COLGALT2: variants seen among roughly 807,000 people sequenced by gnomAD.
COLGALT2 encodes the protein collagen beta(1-O)galactosyltransferase 2.
A neutral mutation model predicts 73.4 loss-of-function variants in COLGALT2; 49 were observed. The ratio of observed to expected loss-of-function variants is 0.67; its 90% CI spans 0.53 to 0.85. The LOEUF (loss-of-function observed/expected upper bound fraction) is 0.85. COLGALT2 is among the 40% of genes least tolerant of loss of function. COLGALT2 has a pLI of 0.00. For missense variants in COLGALT2, 722 were observed against 790.2 expected (o/e 0.91, Z 1.03); for synonymous variants, 295 against 307.6 (o/e 0.96, Z 0.43).
intron 1 of COLGALT2, among the ~76,000 whole-genome samples, chr1:184,033,216 C>T (rs2102863985): frequency 6.6e-6 from 1 of 152,322 alleles, no homozygotes; most frequent in Non-Finnish European, 1.5e-5. Flanking sequence ...TCGGTTTTCA[C>T]TGTCATGGTA....
At chr1:184,032,009 A>ACCT (rs56271336) in intron 1 of COLGALT2, among the ~76,000 whole-genome samples, 36,573 of 151,802 alleles carry the variant, frequency 0.24, 4,559 homozygotes, top group East Asian at 0.47. Context: ...CAATCCACCC[A>ACCT]CAGTCTCCCA....
At chr1:183,980,966 C>T (rs963713300) in intron 1 of COLGALT2, among the ~76,000 whole-genome samples, 8 of 152,130 alleles carry the variant, frequency 5.3e-5, no homozygotes, top group African/African-American at 1.9e-4. Flanking sequence ...TGTAAAAGGT[C>T]TTTAACAAAA....
rs753485233 is a variant in COLGALT2, at chr1:184,037,193, C to T, written c.165G>A (p.Val55=). 7 of 1,604,888 alleles carry T rather than the reference C, an allele frequency of 4.4e-6. No homozygotes were observed. Among genetic ancestry groups the T allele is most frequent in the Non-Finnish European group, 5.1e-6 (6 of 1,177,208 alleles). Residue 55 remains valine (V), a synonymous_variant, in exon 1 of 12, where the codon GTG becomes GTA. Coordinates refer to ENST00000361927, the MANE Select transcript of COLGALT2 (RefSeq NM_015101.4). ...CGTTGCGGGCGAGGACCGCCACGAG[C>T]ACCGTGGGGCTCTGCAGGGGCGACT... is the stretch of plus-strand genomic sequence containing the variant. The part of the protein sequence containing the change: ...FPESPLQSPT[V]LVAVLARNAA...
intron 1 of COLGALT2, among the ~76,000 whole-genome samples, chr1:184,009,429 T>C (rs910881664): frequency 6.6e-6 from 1 of 152,228 alleles, no homozygotes; most frequent in Non-Finnish European, 1.5e-5. Context: ...TTTCTCAGTA[T>C]GTATTATATT....
At chr1:184,021,260 TC>T (rs1172487809) in intron 1 of COLGALT2, among the ~76,000 whole-genome samples, 2 of 152,214 alleles carry the variant, frequency 1.3e-5, no homozygotes, top group Non-Finnish European at 2.9e-5. Context: ...TTTCTACTTT[TC>T]TAAGACATTT....
At chr1:183,979,976 A>G (rs1306200726) in intron 1 of COLGALT2, among the ~76,000 whole-genome samples, 2 of 152,040 alleles carry the variant, frequency 1.3e-5, no homozygotes, top group Non-Finnish European at 2.9e-5. Context: ...AATCCCCCAA[A>G]TCCACTAAAA....
rs534923728 is a variant in COLGALT2 at position 183,997,557 on chromosome 1, T to G, written c.264-19037A>C. Reference sequence around the variant, plus strand: ...ACATAAAATACATTAACACTAACGATAGCTGATGAGCTATAAAAAAATTGC... The same window carrying G: ...ACATAAAATACATTAACACTAACGAGAGCTGATGAGCTATAAAAAAATTGC... On this transcript the variant is annotated intron_variant, in intron 1 of 11. Transcript: ENST00000361927. 3.9e-5 allele frequency among the ~76,000 whole-genome samples: 6 copies of G among 152,304 alleles called. No homozygotes were observed. In the South Asian group the frequency reaches 1.0e-3, roughly 26 times the overall value.
intron 1 of COLGALT2, among the ~76,000 whole-genome samples, chr1:184,013,420 G>T (rs1390831837): frequency 6.6e-6 from 1 of 152,112 alleles, no homozygotes; most frequent in African/African-American, 2.4e-5. Flanking sequence ...AAGAAGGTGT[G>T]GTCTGTTACA....
downstream of COLGALT2, among the ~76,000 whole-genome samples, chr1:183,931,085 C>T (rs771857137): frequency 1.2e-4 from 19 of 152,170 alleles, no homozygotes; most frequent in Non-Finnish European, 1.9e-4. Context: ...TCAGTGGCCT[C>T]GTATTATAGA....
At chr1:184,030,850 G>A (rs189461901) in intron 1 of COLGALT2, among the ~76,000 whole-genome samples, 1 of 152,208 alleles carries the variant, frequency 6.6e-6, no homozygotes, top group Non-Finnish European at 1.5e-5. Context: ...CAGCTACACA[G>A]GATTAAAAAT....
intron 1 of COLGALT2, among the ~76,000 whole-genome samples, chr1:184,006,154 T>A (rs1358412679): frequency 2.0e-5 from 3 of 152,222 alleles, no homozygotes; most frequent in Non-Finnish European, 4.4e-5. Context: ...CTTGAAAACA[T>A]TCTTTCATTC....
intron 1 of COLGALT2, among the ~76,000 whole-genome samples, chr1:184,024,068 C>T (rs1649256027): frequency 6.6e-6 from 1 of 152,144 alleles, no homozygotes; most frequent in Admixed American, 6.5e-5. Flanking sequence ...AAAATGCCAT[C>T]TTAAATAATG....
chr1:183,991,614 T>C (rs1446624374), intron 1 of COLGALT2, among the ~76,000 whole-genome samples: 2 of 152,164 alleles, frequency 1.3e-5, no homozygotes, highest in East Asian at 1.9e-4. Flanking sequence ...AAATGTTTGC[T>C]TTGAATTTAC....
chr1:183,931,026 G>A (rs1669834441), downstream of COLGALT2, among the ~76,000 whole-genome samples: 1 of 152,208 alleles, frequency 6.6e-6, no homozygotes, highest in African/African-American at 2.4e-5. Flanking sequence ...GGAATCCAAT[G>A]TATGTAATGT....
chr1:183,954,479 A>G (rs1670499453), intron 7 of COLGALT2, among the ~76,000 whole-genome samples: 1 of 152,248 alleles, frequency 6.6e-6, no homozygotes, highest in Admixed American at 6.5e-5. Context: ...GATTAAAAAT[A>G]TCACAATATC....
intron 1 of COLGALT2, among the ~76,000 whole-genome samples, chr1:184,019,950 C>T (rs975860947): frequency 4.6e-5 from 7 of 152,140 alleles, no homozygotes; most frequent in Non-Finnish European, 8.8e-5. Context: ...TTTAGCAGGT[C>T]CTTCCAAAAC....
At chr1:183,966,770 G>A (rs1461635411) in intron 5 of COLGALT2, among the ~76,000 whole-genome samples, 1 of 152,162 alleles carries the variant, frequency 6.6e-6, no homozygotes, top group Non-Finnish European at 1.5e-5. Flanking sequence ...TCTTGACCCT[G>A]GACTCATTAC....
intron 6 of COLGALT2, among the ~76,000 whole-genome samples, chr1:183,956,774 G>T (rs145453464): frequency 6.6e-6 from 1 of 152,276 alleles, no homozygotes; most frequent in East Asian, 1.9e-4. Context: ...GCTCCCGAAA[G>T]TCATCACTGA....
intron 1 of COLGALT2, among the ~76,000 whole-genome samples, chr1:184,032,326 G>T (rs1649538433): frequency 6.6e-6 from 1 of 152,188 alleles, no homozygotes; most frequent in African/African-American, 2.4e-5. Flanking sequence ...AAAAGGAAAA[G>T]ATTCAAAAGA....
Sources: allele counts gnomAD v4.1 joint callset (sites outside exome capture counted in the v4.1 genomes callset), GRCh38; gene constraint gnomAD v4.1.1; transcripts MANE v1.5; gene names NCBI Gene and HGNC (gene_info 2026-07-23, HGNC 2026-07-21).